The following CDKL4 variants were observed in gnomAD, a reference collection of about 807,000 sequenced individuals.
The protein encoded by CDKL4 is cyclin dependent kinase like 4.
A neutral mutation model predicts 42.0 loss-of-function variants in CDKL4; 44 were observed. That is an observed-to-expected ratio of 1.05 (90% CI 0.82 to 1.35). The LOEUF is 1.35. CDKL4 is among the 40% of genes most tolerant of loss of function. The pLI, the probability that CDKL4 is intolerant of heterozygous loss-of-function variation, is 0.00. For synonymous variants in CDKL4, 120 were observed against 121.6 expected (o/e 0.99, Z 0.09); for missense variants, 393 against 369.9 (o/e 1.06, Z -0.51).
chr2:39,189,054 G>A (rs1676012936), intron 6 of CDKL4, among the ~76,000 whole-genome samples: 1 of 152,136 alleles, frequency 6.6e-6, no homozygotes, highest in African/African-American at 2.4e-5. Context: ...ATCTTTTTAG[G>A]GAATGAATCA....
intron 5 of CDKL4, among the ~76,000 whole-genome samples, chr2:39,199,866 C>T (rs1676743950): frequency 6.6e-6 from 1 of 152,102 alleles, no homozygotes. Flanking sequence ...TGATGACAAA[C>T]CCACAGTCAA....
At chr2:39,242,461 T>C (rs1469401174) in intron 1 of CDKL4, among the ~76,000 whole-genome samples, 1 of 152,224 alleles carries the variant, frequency 6.6e-6, no homozygotes, top group East Asian at 1.9e-4. Context: ...TAAAGTTCTG[T>C]GTACAAAGGC....
chr2:39,205,806 A>G (rs1677142495), intron 4 of CDKL4, among the ~76,000 whole-genome samples: 2 of 150,598 alleles, frequency 1.3e-5, no homozygotes, highest in African/African-American at 4.9e-5. Flanking sequence ...AGAGGGGCCT[A>G]TTAATAATCA....
downstream of CDKL4, among the ~76,000 whole-genome samples, chr2:39,170,889 G>A (rs141256086): frequency 7.2e-5 from 11 of 152,266 alleles, no homozygotes; most frequent in East Asian, 2.1e-3. Flanking sequence ...GGTGACAAAT[G>A]ACTAAGAAAG....
chr2:39,201,811 C>T (rs371059713), intron 5 of CDKL4, among the ~76,000 whole-genome samples: 29 of 152,180 alleles, frequency 1.9e-4, no homozygotes, highest in East Asian at 1.7e-3. Flanking sequence ...AAGAATAATA[C>T]AATGGACTTT....
chr2:39,225,886 T>C (rs150026360), exon 3 of CDKL4: 12 of 1,611,904 alleles, frequency 7.4e-6, no homozygotes, highest in African/African-American at 1.3e-5. Context: ...GATCACAGTA[T>C]TCAAAAACTA....
At chr2:39,225,309 G>A (rs969057183) in intron 3 of CDKL4, among the ~76,000 whole-genome samples, 2 of 151,854 alleles carry the variant, frequency 1.3e-5, no homozygotes, top group Non-Finnish European at 2.9e-5. Flanking sequence ...CAGAGGCAGA[G>A]GCAGAGAACT....
At chr2:39,202,975 T>G (rs1249714241) in intron 5 of CDKL4, among the ~76,000 whole-genome samples, 3 of 152,192 alleles carry the variant, frequency 2.0e-5, no homozygotes, top group African/African-American at 7.2e-5. Context: ...GTAGTACCAC[T>G]TTGTTTATAA....
chr2:39,185,107 A>AAT lies in CDKL4; in HGVS notation c.736-462_736-461dup, dbSNP rs201572028. On this transcript the variant is annotated intron_variant, in intron 7 of 9. Coordinates refer to ENST00000451199, the Ensembl canonical transcript of CDKL4. ...CTAGTAGGTTCAATAATTCATTTTA[A>AAT]ATATATATATATACACACACATATA... 1.7e-3 allele frequency among the ~76,000 whole-genome samples: 241 copies of AAT among 139,210 alleles called. 4 individuals are homozygous for AAT. Among genetic ancestry groups the AAT allele is most frequent in the African/African-American group, 4.5e-3 (164 of 36,356 alleles). The allele number at this position is 139,210 out of a possible 152,430, so 91.3% of individuals were successfully genotyped here.
intron 8 of CDKL4, among the ~76,000 whole-genome samples, chr2:39,180,508 C>T (rs997801667): frequency 6.7e-6 from 1 of 148,696 alleles, no homozygotes; most frequent in Non-Finnish European, 1.5e-5. Flanking sequence ...TAGTCCTGTT[C>T]TTCAAGAAAC....
At chr2:39,204,035 A>G (rs1677011818) in intron 5 of CDKL4, among the ~76,000 whole-genome samples, 1 of 152,132 alleles carries the variant, frequency 6.6e-6, no homozygotes, top group South Asian at 2.1e-4. Flanking sequence ...CTTTCCCTTC[A>G]GTTCCTCCTT....
chr2:39,204,878 T>G (rs1677069416), intron 4 of CDKL4, among the ~76,000 whole-genome samples: 1 of 152,126 alleles, frequency 6.6e-6, no homozygotes, highest in African/African-American at 2.4e-5. Context: ...TTTTTTTTTT[T>G]TTAAAGAAGG....
At chr2:39,216,202 C>G (rs911290410) in intron 3 of CDKL4, among the ~76,000 whole-genome samples, 3 of 152,140 alleles carry the variant, frequency 2.0e-5, no homozygotes, top group Non-Finnish European at 4.4e-5. Flanking sequence ...CCCTCAATGT[C>G]TGGTTTTAAC....
intron 2 of CDKL4, among the ~76,000 whole-genome samples, chr2:39,228,006 C>A (rs1678862393): frequency 6.6e-6 from 1 of 152,168 alleles, no homozygotes; most frequent in Admixed American, 6.5e-5. Context: ...ATACCAAAAG[C>A]AGAAAGATGG....
intron 5 of CDKL4, among the ~76,000 whole-genome samples, chr2:39,196,622 T>C (rs2148317693): frequency 6.6e-6 from 1 of 152,290 alleles, no homozygotes; most frequent in East Asian, 1.9e-4. Context: ...GTTCTTTTTT[T>C]TTTGAGACGG....
intron 9 of CDKL4, chr2:39,178,813 T>A: frequency 6.5e-7 from 1 of 1,546,136 alleles, no homozygotes; most frequent in South Asian, 1.2e-5. Context: ...ATCTGGAGGC[T>A]ACAGAAAGGC....
chr2:39,196,451 C>G, intron 5 of CDKL4, among the ~76,000 whole-genome samples: 1 of 152,086 alleles, frequency 6.6e-6, no homozygotes, highest in East Asian at 1.9e-4. Context: ...TGAGGAAGCC[C>G]CATCCCTAGG....
At chr2:39,233,039 C>T (rs1434179060) in intron 1 of CDKL4, among the ~76,000 whole-genome samples, 1 of 44,208 alleles carries the variant, frequency 2.3e-5, no homozygotes, top group Admixed American at 3.3e-4. Context: ...AGTGAGACTC[C>T]ATCTCAAAAA....
intron 1 of CDKL4, among the ~76,000 whole-genome samples, chr2:39,239,871 C>G (rs1158809704): frequency 1.3e-5 from 2 of 152,066 alleles, no homozygotes; most frequent in Non-Finnish European, 1.5e-5. Context: ...AGGTGGATCA[C>G]TTGAGCTCAG....
Sources: allele counts gnomAD v4.1 joint callset (sites outside exome capture counted in the v4.1 genomes callset), GRCh38; gene constraint gnomAD v4.1.1; transcripts MANE v1.5; gene names NCBI Gene and HGNC (gene_info 2026-07-23, HGNC 2026-07-21).